The following FLII variants were observed in gnomAD, a reference collection of about 807,000 sequenced individuals.
FLII encodes the protein FLII actin remodeling protein, also known as protein flightless-1 homolog.
A neutral mutation model predicts 156.2 loss-of-function variants in FLII; 101 were observed. That is an observed-to-expected ratio of 0.65 (90% CI 0.55 to 0.76). The LOEUF (loss-of-function observed/expected upper bound fraction) is 0.76. Among genes scored for constraint, FLII ranks in the 30% least tolerant of loss-of-function variants. FLII has a pLI of 0.00. For synonymous variants in FLII, 767 were observed against 685.8 expected (o/e 1.12, Z -1.85); for missense variants, 1,675 against 1,682.8 (o/e 1.00, Z 0.08).
Position 18,245,347 on chromosome 17 carries a change from A to AGATT in FLII, c.3675+3_3675+6dup. ...GCCCACCTCGGCCCTCCCTCCACCC[A>AGATT]GATTACCTGGCAGGCCTTCAGGCTC... On this transcript the variant is annotated splice_region_variant and intron_variant, in intron 29 of 29. Transcript: ENST00000327031. The AGATT allele has an allele frequency of 6.2e-7, 1 of 1,614,126 alleles. No homozygotes were observed.
intron 3 of FLII, 143 bp from the exon 4 acceptor site, chr17:18,255,406 C>A: frequency 1.5e-6 from 1 of 666,640 alleles, no homozygotes. Flanking sequence ...TCAAATAGCT[C>A]CCTCTCCTGG....
chr17:18,251,000 G>A lies in FLII; in HGVS notation c.1614C>T (p.Ser538=), dbSNP rs368249002. The change falls in exon 14 of 30, where the codon AGC becomes AGT. Residue 538 remains serine, a synonymous_variant. Coordinates refer to ENST00000327031, the MANE Select transcript of FLII (RefSeq NM_002018.4). ...AGTAGATCTCCCAGTTGAGGGAGCC[G>A]CTGTCATCCAGAAAGGTCTGGAAGC... ...YIVLKTFLDD[S]GSLNWEIYYW... 2.8e-5 allele frequency: 45 copies of A among 1,612,914 alleles called. No individual in the cohort carries two copies. The highest frequency in any genetic ancestry group is 3.6e-5 in the Non-Finnish European group (43 of 1,179,540).
intron 5 of FLII, 41 bp downstream of exon 5, chr17:18,254,728 C>G (rs746907070): frequency 6.2e-7 from 1 of 1,613,904 alleles, no homozygotes; most frequent in Non-Finnish European, 8.5e-7. Context: ...CCAGCCACCC[C>G]ACAGGGCCCA....
chr17:18,245,382 T>G lies in FLII; in HGVS notation c.3647A>C (p.Glu1216Ala). The G allele has an allele frequency of 6.2e-7, 1 of 1,614,164 alleles. No individual in the cohort carries two copies. Residue 1216 changes from glutamate to alanine, a missense_variant, in exon 29 of 30, where the codon GAG becomes GCG. Transcript: ENST00000327031. Reference sequence around the variant, plus strand: ...GCAGGCCTTCAGGCTCAGCTTGATCTCCACCTGGCTAGTCTGGGTCCCCAC... The same window carrying G: ...GCAGGCCTTCAGGCTCAGCTTGATCGCCACCTGGCTAGTCTGGGTCCCCAC... ...MWVGTQTSQV[E>A]IKLSLKACQV...
intron 8 of FLII, 25 bp downstream of exon 8, chr17:18,253,519 C>T: frequency 6.2e-7 from 1 of 1,613,086 alleles, no homozygotes; most frequent in Non-Finnish European, 8.5e-7. Context: ...TCCTCCCATC[C>T]CCCTACTGAG....
intron 16 of FLII, 37 bp downstream of exon 16, chr17:18,249,090 G>A (rs1389651146): frequency 6.3e-7 from 1 of 1,585,760 alleles, no homozygotes; most frequent in Admixed American, 1.7e-5. Flanking sequence ...AGGAGGCTGA[G>A]GATGAAGCAC....
At position 18,249,964 on chromosome 17, in the gene FLII, T is replaced by C. The variant is rs147734859; in HGVS notation, c.1777-556A>G. ...CAAAACCCCATCACTACTAAAAAAA[T>C]ACAAAAATTAGCTAGGCGTGGTAGC... On this transcript the variant is annotated intron_variant, in intron 14 of 29. Coordinates refer to ENST00000327031, the MANE Select transcript of FLII (RefSeq NM_002018.4). 6.0e-3 allele frequency among the ~76,000 whole-genome samples: 907 copies of C among 151,018 alleles called. 4 individuals are homozygous for C. The highest frequency in any genetic ancestry group is 0.024 in the Middle Eastern group (7 of 290).
rs967531320 is a variant in FLII, at chr17:18,257,364, T to C, written c.64-345A>G. 8.7e-5 allele frequency: 22 copies of C among 254,122 alleles called. 1 individual carries two copies. The Admixed American group carries it at 1.0e-3, about 12-fold the overall frequency. 15.7% of individuals were successfully genotyped at this position (254,122 alleles called of 1,614,324 possible). ...CCTAGCATTCCACACTCTGACTGGCTGCCTGGGGTGGGGGATCCCCCTTCC... is the reference window on the plus strand; with the variant it reads ...CCTAGCATTCCACACTCTGACTGGCCGCCTGGGGTGGGGGATCCCCCTTCC... On this transcript the variant is annotated intron_variant, in intron 1 of 29. Transcript: ENST00000327031.
Position 18,246,353 on chromosome 17 carries a change from G to C in FLII, c.3161C>G (p.Pro1054Arg). Residue 1054 changes from proline (P) to arginine (R), a missense_variant, in exon 24 of 30, where the codon CCC becomes CGC. Coordinates refer to ENST00000327031, the MANE Select transcript of FLII (RefSeq NM_002018.4). ...KRKAVQGAQQPSLYQIRTNGS... is the reference protein window; with the variant it reads ...KRKAVQGAQQRSLYQIRTNGS... ...GTTGGTGCGGATCTGGTAGAGGCTG[G>C]GCTGTTGGGCGCCCTGGACCGCCTT... 1 of 1,613,846 alleles carries C rather than the reference G, an allele frequency of 6.2e-7. No individual in the cohort carries two copies. The highest frequency in any genetic ancestry group is 8.5e-7 in the Non-Finnish European group (1 of 1,179,994).
chr17:18,245,465 C>G (rs371652758), intron 28 of FLII, 46 bp from the exon 29 acceptor site: 1 of 1,612,744 alleles, frequency 6.2e-7, no homozygotes, highest in African/African-American at 1.3e-5. Flanking sequence ...TGCCTGGGAA[C>G]AGCCCCTTGC....
rs149258974 is a variant in FLII at position 18,250,861 on chromosome 17, C to T, written c.1753G>A (p.Asp585Asn). Residue 585 changes from aspartate to asparagine, a missense_variant, in exon 14 of 30, where the codon GAT (aspartate) becomes AAT (asparagine). Physicochemically the swap from Asp to Asn is conservative, Grantham distance 23 (BLOSUM62 1). Transcript: ENST00000327031. ...ACCTGCAGGAACTCCTCGCTCTCAT[C>T]GCCCATCTCCTCCCGGACAGTGCGG... The part of the protein sequence containing the change: ...ECRTVREEMG[D>N]ESEEFLQVFD... 137 of 1,613,444 alleles carry T rather than the reference C, an allele frequency of 8.5e-5. No individual in the cohort carries two copies. In the African/African-American group the frequency reaches 1.4e-3, roughly 16 times the overall value.
chr17:18,248,840 G>C lies in FLII; in HGVS notation c.1978C>G (p.Arg660Gly), dbSNP rs547756396. ...CTGCTCAGTGTGGCCTGGGCCCCCC[G>C]CCATACGTAGATGTCTAGCCCTCGG... is the stretch of plus-strand genomic sequence containing the variant. ...LDRGLDIYVW[R>G]GAQATLSSTT... Residue 660 changes from arginine (R) to glycine (G), a missense_variant, in exon 17 of 30, where the codon CGG becomes GGG. Around this residue, in one of 2 missense-constraint regions of FLII, gnomAD observed 1,332 missense variants for 1,269.3 expected, o/e 1.05. Transcript: ENST00000327031. 5.6e-6 allele frequency: 9 copies of C among 1,613,822 alleles called. No individual in the cohort carries two copies. The highest frequency in any genetic ancestry group is 6.8e-6 in the Non-Finnish European group (8 of 1,179,922).
chr17:18,252,464 T>C lies in FLII; in HGVS notation c.1098+8A>G. On this transcript the variant is annotated splice_region_variant and intron_variant, in intron 10 of 29. Transcript: ENST00000327031. ...CTCTTGAGCCCTCTCAAACCCAGCA[T>C]GCCTGACCTCGATCTCCGTCAGGAA... is the stretch of plus-strand genomic sequence containing the variant. 6.2e-7 allele frequency: 1 copy of C among 1,613,276 alleles called. No individual in the cohort carries two copies. Among genetic ancestry groups the C allele is most frequent in the Non-Finnish European group, 8.5e-7 (1 of 1,179,604 alleles).
At chr17:18,252,228 T>A in intron 10 of FLII, 82 bp from the exon 11 acceptor site, 1 of 1,351,032 alleles carries the variant, frequency 7.4e-7, no homozygotes, top group Non-Finnish European at 1.0e-6. Flanking sequence ...TGCTCTTGTC[T>A]GCAGCCGCCA....
intron 20 of FLII, 113 bp from the exon 21 acceptor site, chr17:18,247,470 GC>G: frequency 8.5e-7 from 1 of 1,169,844 alleles, no homozygotes; most frequent in Non-Finnish European, 1.2e-6. Flanking sequence ...GGCTTGGGAG[GC>G]GGGGCCTCGG....
rs2048045065 is a variant in FLII, at chr17:18,246,184, G to C, written c.3245C>G (p.Ser1082Cys). 2.5e-6 allele frequency: 4 copies of C among 1,614,158 alleles called. No homozygotes were observed. Among genetic ancestry groups the C allele is most frequent in the Non-Finnish European group, 3.4e-6 (4 of 1,180,028 alleles). ...CACCTTGAGGATGAAGCAGAACTCGGAGTTGAGGAGGCTGGAGTCGGTGTT... is the reference window on the plus strand; with the variant it reads ...CACCTTGAGGATGAAGCAGAACTCGCAGTTGAGGAGGCTGGAGTCGGTGTT... ...QINTDSSLLN[S>C]EFCFILKVPF... is the part of the protein sequence containing the mutation. Residue 1082 changes from serine to cysteine, a missense_variant, in exon 25 of 30, where the codon TCC becomes TGC. Physicochemically the swap from Ser to Cys is moderately radical, Grantham distance 112. Transcript: ENST00000327031.
intron 3 of FLII, among the ~76,000 whole-genome samples, chr17:18,255,606 G>A (rs1450670885): frequency 1.3e-5 from 2 of 152,112 alleles, no homozygotes; most frequent in Admixed American, 1.3e-4. Context: ...GGAGAGAAGT[G>A]GACCACAGAG....
In FLII at chr17:18,247,998, C is replaced by A. The variant is rs909018799; in HGVS notation, c.2226G>T (p.Gln742His). The change falls in exon 19 of 30, where the codon CAG (glutamine) becomes CAT (histidine). Residue 742 changes from glutamine (Q) to histidine (H), a missense_variant. By Grantham distance (24) the Gln-to-His change is conservative. This residue lies in a region of FLII where 1,332 missense variants were observed against 1,269.3 expected (regional missense o/e 1.05). Coordinates refer to ENST00000327031, the MANE Select transcript of FLII (RefSeq NM_002018.4). ...GLGLGYLELP[Q>H]INYKLSVEHK... ...GTTCCACGGAGAGCTTGTAGTTGAT[C>A]TGTGGCAGCTCCAGGTAGCCCAAGC... The A allele has an allele frequency of 1.2e-6, 2 of 1,613,920 alleles. No individual in the cohort carries two copies. Among genetic ancestry groups the A allele is most frequent in the African/African-American group, 2.7e-5 (2 of 74,912 alleles).
chr17:18,253,980 G>C, intron 7 of FLII, 99 bp downstream of exon 7: 8 of 898,298 alleles, frequency 8.9e-6, no homozygotes, highest in Non-Finnish European at 1.3e-5. Context: ...TTTCCCTCTG[G>C]GTATTGGTCC....
Sources: gnomAD v4.1 joint callset for allele counts (sites outside exome capture counted in the v4.1 genomes callset) on GRCh38, gnomAD v4.1.1 for gene constraint, gnomAD v4.1.1 regional missense constraint, MANE v1.5 for transcripts, NCBI Gene and HGNC (gene_info 2026-07-23, HGNC 2026-07-21) for gene names.